CRHR1: variants seen among roughly 807,000 people sequenced by gnomAD.
CRHR1 encodes corticotropin releasing hormone receptor 1.
In CRHR1, 28 loss-of-function variants were observed where a neutral mutation model predicts 56.0. That is an observed-to-expected ratio of 0.50 (90% CI 0.37 to 0.69). CRHR1 has a LOEUF of 0.69. Ranked by LOEUF, CRHR1 falls within the 30% of genes least tolerant of loss-of-function variation. CRHR1 has a pLI of 0.00. For missense variants in CRHR1, 376 were observed against 548.0 expected, an observed-to-expected ratio of 0.69 and a Z score of 3.13; for synonymous variants, 195 against 216.5, an observed-to-expected ratio of 0.90 and a Z score of 0.87.
chr17:45,784,674 C>G lies in CRHR1; in HGVS notation c.33+97C>G, dbSNP rs2061298601. 7.8e-7 allele frequency: 1 copy of G among 1,278,560 alleles called. No homozygotes were observed. The highest frequency in any genetic ancestry group is 1.6e-5 in the South Asian group (1 of 60,846). The allele number at this position is 1,278,560 out of a possible 1,614,324, so 79.2% of individuals were successfully genotyped here. On this transcript the variant is annotated intron_variant, in intron 1 of 12. Coordinates refer to ENST00000314537, the MANE Select transcript of CRHR1 (RefSeq NM_004382.5). The surrounding 1 kb of genome is among the most constrained non-coding windows in gnomAD (Gnocchi z 4.2). Reference sequence around the variant, plus strand: ...TGTGGGTGTGATGGGGGCGGGGGCGCTGGGAGAGCCGTGCTTAGGTCGGGG... The same window carrying G: ...TGTGGGTGTGATGGGGGCGGGGGCGGTGGGAGAGCCGTGCTTAGGTCGGGG...
At chr17:45,795,172 G>A (rs929458829) in intron 1 of CRHR1, among the ~76,000 whole-genome samples, 1 of 152,196 alleles carries the variant, frequency 6.6e-6, no homozygotes, top group Non-Finnish European at 1.5e-5. Context: ...ACTGAGGCCA[G>A]GAGGTGGGAG....
chr17:45,821,857 A>G (rs950158526), intron 4 of CRHR1, among the ~76,000 whole-genome samples: 5 of 152,208 alleles, frequency 3.3e-5, no homozygotes, highest in Non-Finnish European at 7.3e-5. Flanking sequence ...CAGGGACGGG[A>G]TGGAGGTAGC....
At chr17:45,800,664 G>C (rs60645916) in intron 1 of CRHR1, 12,291 of 152,350 alleles carry the variant, frequency 0.081, 542 homozygotes, top group African/African-American at 0.092. Flanking sequence ...GACTGCCTTG[G>C]GGCTCAGCAG....
At chr17:45,786,635 C>CG (rs2061340951) in intron 1 of CRHR1, among the ~76,000 whole-genome samples, 1 of 122,980 alleles carries the variant, frequency 8.1e-6, no homozygotes, top group Admixed American at 9.0e-5. Context: ...CAGAAAATAT[C>CG]CTTTTTTTTT....
intron 2 of CRHR1, among the ~76,000 whole-genome samples, chr17:45,816,142 G>A (rs1234884206): frequency 6.6e-6 from 1 of 152,180 alleles, no homozygotes; most frequent in Non-Finnish European, 1.5e-5. Flanking sequence ...CTACAGAGCA[G>A]GGGACCAGAA....
Position 45,830,728 on chromosome 17 carries a change from C to T in CRHR1, c.710-152C>T, listed in dbSNP as rs1473725176. On this transcript the variant is annotated intron_variant, in intron 7 of 12. Coordinates refer to ENST00000314537, the MANE Select transcript of CRHR1 (RefSeq NM_004382.5). ...GCCCTCTGCTCCTCTTGGGGGTGGGCGGCAGTAGAAGCACCTTGAAGGAGG... is the reference window on the plus strand; with the variant it reads ...GCCCTCTGCTCCTCTTGGGGGTGGGTGGCAGTAGAAGCACCTTGAAGGAGG... 28 of 1,187,758 alleles carry T rather than the reference C, an allele frequency of 2.4e-5. No homozygotes were observed. In the South Asian group the frequency reaches 3.6e-4, roughly 15 times the overall value. 73.6% of individuals were successfully genotyped at this position (1,187,758 alleles called of 1,614,324 possible).
In CRHR1 at chr17:45,833,159, T is replaced by G; in HGVS notation, c.792T>G (p.Pro264=). The change falls in exon 9 of 13, where the codon CCT becomes CCG. Residue 264 remains proline (P), a synonymous_variant. Coordinates refer to ENST00000314537, the MANE Select transcript of CRHR1 (RefSeq NM_004382.5). ...CTAGGTGCTGGTTTGGCAAAAGGCC[T>G]GGGGTGTACACCGACTACATCTACC... ...DNEKCWFGKR[P]GVYTDYIYQG... The G allele has an allele frequency of 6.2e-7, 1 of 1,614,080 alleles. No homozygotes were observed. Among genetic ancestry groups the G allele is most frequent in the Non-Finnish European group, 8.5e-7 (1 of 1,179,980 alleles).
At chr17:45,797,307 T>TTTTTTTTTTTTTTTTTTTTTTTC (rs1568034430) in intron 1 of CRHR1, among the ~76,000 whole-genome samples, 1 of 137,218 alleles carries the variant, frequency 7.3e-6, no homozygotes, top group Non-Finnish European at 1.6e-5. Flanking sequence ...TTTTTTTTTT[T>TTTTTTTTTTTTTTTTTTTTTTTC]TGAGACGGAG....
Position 45,812,128 on chromosome 17 carries a change from A to G in CRHR1, c.122-4335A>G, listed in dbSNP as rs753675498. Among the ~76,000 whole-genome samples, 47 of 152,196 alleles carry G rather than the reference A, an allele frequency of 3.1e-4. 1 individual carries two copies. Among genetic ancestry groups the G allele is most frequent in the Non-Finnish European group, 1.3e-4 (9 of 68,042 alleles). Reference sequence around the variant, plus strand: ...CCTGTATACTTTAAATCATCTCTAGATTATTTCTAATACCTACTACAATGT... The same window carrying G: ...CCTGTATACTTTAAATCATCTCTAGGTTATTTCTAATACCTACTACAATGT... On this transcript the variant is annotated intron_variant, in intron 2 of 12. Transcript: ENST00000314537.
At chr17:45,808,267 C>T (rs2061756153) in intron 2 of CRHR1, among the ~76,000 whole-genome samples, 1 of 152,216 alleles carries the variant, frequency 6.6e-6, no homozygotes, top group Admixed American at 6.5e-5. Context: ...GCCTTCATTT[C>T]TGAAGGTGGC....
At chr17:45,802,150 C>A (rs1232737283) in intron 1 of CRHR1, among the ~76,000 whole-genome samples, 1 of 152,032 alleles carries the variant, frequency 6.6e-6, no homozygotes, top group Non-Finnish European at 1.5e-5. Context: ...CAGGGTGAAA[C>A]CTCATCTCTA....
intron 4 of CRHR1, among the ~76,000 whole-genome samples, chr17:45,823,958 G>C (rs988930404): frequency 6.6e-6 from 1 of 152,212 alleles, no homozygotes; most frequent in African/African-American, 2.4e-5. Context: ...GGCACTCAAG[G>C]CTGGGGTGGG....
At chr17:45,820,069 C>T (rs973826841) in intron 3 of CRHR1, among the ~76,000 whole-genome samples, 1 of 152,078 alleles carries the variant, frequency 6.6e-6, no homozygotes, top group Non-Finnish European at 1.5e-5. Context: ...TAGATCCTCA[C>T]AGGGTTCTGC....
chr17:45,806,734 G>A (rs974711734), intron 1 of CRHR1, among the ~76,000 whole-genome samples: 7 of 152,276 alleles, frequency 4.6e-5, no homozygotes, highest in Admixed American at 1.3e-4. Flanking sequence ...GGTAAAATTC[G>A]CCTCTTCCCT....
At chr17:45,810,547 G>A (rs2061802459) in intron 2 of CRHR1, among the ~76,000 whole-genome samples, 2 of 152,106 alleles carry the variant, frequency 1.3e-5, no homozygotes, top group Admixed American at 1.3e-4. Flanking sequence ...TGCGTTATGC[G>A]GCCACTCAGA....
chr17:45,830,552 T>C lies in CRHR1; in HGVS notation c.691T>C (p.Phe231Leu), dbSNP rs544464954. ...CACTGACCGGCTGCGCAAATGGATG[T>C]TCATCTGCATTGGCTGGGGTGAGCT... ...YSTDRLRKWM[F>L]ICIGWGVPFP... is the part of the protein sequence containing the mutation. The change falls in exon 7 of 13, where the codon TTC (phenylalanine) becomes CTC (leucine). Residue 231 changes from phenylalanine to leucine, a missense_variant. Around this residue, in one of 2 missense-constraint regions of CRHR1, gnomAD observed 369 missense variants for 519.5 expected, o/e 0.71. Coordinates refer to ENST00000314537, the MANE Select transcript of CRHR1 (RefSeq NM_004382.5). The C allele has an allele frequency of 6.2e-7, 1 of 1,611,298 alleles. No homozygotes were observed. Among genetic ancestry groups the C allele is most frequent in the South Asian group, 1.1e-5 (1 of 90,902 alleles).
chr17:45,828,429 G>A (rs17763104), intron 4 of CRHR1, among the ~76,000 whole-genome samples: 13,743 of 152,302 alleles, frequency 0.09, 771 homozygotes, highest in Middle Eastern at 0.15. Context: ...GGTTTAAGAC[G>A]ATAACAGATA....
At chr17:45,823,871 G>A (rs2062099858) in intron 4 of CRHR1, among the ~76,000 whole-genome samples, 2 of 152,144 alleles carry the variant, frequency 1.3e-5, no homozygotes, top group African/African-American at 4.8e-5. Context: ...AAAGACTCAC[G>A]AGTTCTTCCA....
chr17:45,833,216 A>G lies in CRHR1; in HGVS notation c.843+6A>G. 1 of 1,613,898 alleles carries G rather than the reference A, an allele frequency of 6.2e-7. No homozygotes were observed. The highest frequency in any genetic ancestry group is 8.5e-7 in the Non-Finnish European group (1 of 1,179,826). On this transcript the variant is annotated splice_donor_region_variant and intron_variant, in intron 9 of 12. Transcript: ENST00000314537. ...CCATGATCCTGGTCCTGCTGGTAAG[A>G]ACCTGGGTAGGGGCAGGAGACAGGG...
Sources: allele counts gnomAD v4.1 joint callset (sites outside exome capture counted in the v4.1 genomes callset), GRCh38; gene constraint gnomAD v4.1.1; regional missense constraint gnomAD v4.1.1; non-coding constraint Gnocchi (gnomAD v3.1); transcripts MANE v1.5; gene names NCBI Gene and HGNC (gene_info 2026-07-23, HGNC 2026-07-21).